Variants in DAP observed in about 807,000 individuals in gnomAD.
DAP encodes the protein death-associated protein 1.
Under a neutral mutation model 13.8 loss-of-function variants are expected in DAP, and 8 were observed. That is an observed-to-expected ratio of 0.58 (90% confidence interval 0.34 to 1.05). The LOEUF (loss-of-function observed/expected upper bound fraction) is 1.05. DAP is among the 50% of genes least tolerant of loss of function. DAP has a pLI of 0.03. For missense variants in DAP, 106 were observed against 133.2 expected (o/e 0.80, Z 1.01); for synonymous variants, 47 against 47.5 (o/e 0.99, Z 0.04).
chr5:10,734,523 TGCCA>T (rs1739555449), intron 2 of DAP, among the ~76,000 whole-genome samples: 1 of 152,198 alleles, frequency 6.6e-6, no homozygotes, highest in Non-Finnish European at 1.5e-5. Context: ...ATTCACTGCC[TGCCA>T]GCCTCAAGCC....
At chr5:10,747,957 G>A (rs376602767) in intron 2 of DAP, 2 of 471,424 alleles carry the variant, frequency 4.2e-6, no homozygotes, top group South Asian at 2.3e-5. Context: ...GGGTGGGCGC[G>A]TGGCAACTGC....
At chr5:10,722,999 C>T (rs539990254) in intron 2 of DAP, among the ~76,000 whole-genome samples, 6 of 152,268 alleles carry the variant, frequency 3.9e-5, no homozygotes, top group South Asian at 4.1e-4. Flanking sequence ...CCACTACAGC[C>T]GCAAAGTCCA....
chr5:10,708,737 C>T (rs747841341), intron 2 of DAP, among the ~76,000 whole-genome samples: 1 of 152,254 alleles, frequency 6.6e-6, no homozygotes, highest in Non-Finnish European at 1.5e-5. Flanking sequence ...GACTCCTACA[C>T]TGCAGGCCCA....
At chr5:10,737,663 G>A (rs1260033158) in intron 2 of DAP, among the ~76,000 whole-genome samples, 1 of 152,194 alleles carries the variant, frequency 6.6e-6, no homozygotes, top group Non-Finnish European at 1.5e-5. Flanking sequence ...TTTAACTGAA[G>A]TTTTAAATTT....
At chr5:10,758,403 TTTGAGGGGTG>T (rs1397100066) in intron 1 of DAP, among the ~76,000 whole-genome samples, 1 of 91,448 alleles carries the variant, frequency 1.1e-5, no homozygotes, top group Non-Finnish European at 2.3e-5. Context: ...GCTGTTGGCA[TTTGAGGGGTG>T]CTGTTGGCAT....
At chr5:10,742,210 A>G (rs1429262239) in intron 2 of DAP, among the ~76,000 whole-genome samples, 1 of 152,156 alleles carries the variant, frequency 6.6e-6, no homozygotes, top group Non-Finnish European at 1.5e-5. Context: ...GTATGGACTC[A>G]TGGATATTTA....
At chr5:10,731,264 G>T (rs1358594177) in intron 2 of DAP, among the ~76,000 whole-genome samples, 2 of 148,322 alleles carry the variant, frequency 1.3e-5, no homozygotes, top group African/African-American at 2.5e-5. Flanking sequence ...GAGCCCTGGT[G>T]GGGGGAATCT....
chr5:10,755,996 A>T (rs913917958), intron 1 of DAP, among the ~76,000 whole-genome samples: 3 of 152,216 alleles, frequency 2.0e-5, no homozygotes, highest in Non-Finnish European at 2.9e-5. Flanking sequence ...CAAAATACAC[A>T]AATTAGCTGG....
chr5:10,689,118 C>T (rs964296307), intron 2 of DAP, among the ~76,000 whole-genome samples: 2 of 152,114 alleles, frequency 1.3e-5, no homozygotes, highest in African/African-American at 4.8e-5. Flanking sequence ...AGTATGTACC[C>T]GGAGAAATGT....
chr5:10,711,419 C>T lies in DAP; in HGVS notation c.153-27848G>A, dbSNP rs567312782. 2.8e-4 allele frequency among the ~76,000 whole-genome samples: 43 copies of T among 152,344 alleles called. No individual in the cohort carries two copies. The Middle Eastern group carries it at 0.014, about 48-fold the overall frequency. ...GGAGACAAAGGTGGTCTCACCGGGG[C>T]GTAACTGCCCTGGTTTGAGGAAGGA... On this transcript the variant is annotated intron_variant, in intron 2 of 3. Coordinates refer to ENST00000230895, the MANE Select transcript of DAP (RefSeq NM_004394.3).
At chr5:10,714,668 C>A (rs1034241856) in intron 2 of DAP, among the ~76,000 whole-genome samples, 5 of 152,134 alleles carry the variant, frequency 3.3e-5, no homozygotes, top group Non-Finnish European at 5.9e-5. Flanking sequence ...GAATCATAAT[C>A]CCTAATGTTG....
At position 10,693,190 on chromosome 5, in the gene DAP, TCTC is replaced by T. The variant is rs574741084; in HGVS notation, c.153-9622_153-9620del. On this transcript the variant is annotated intron_variant, in intron 2 of 3. Transcript: ENST00000230895. Reference sequence around the variant, plus strand: ...TAGTGAAACTGGGAATCTGGTCAAATCTCTGATCCCACTGAAAGTAATCAAAAT... The same window carrying T: ...TAGTGAAACTGGGAATCTGGTCAAATTGATCCCACTGAAAGTAATCAAAAT... 5.1e-4 allele frequency among the ~76,000 whole-genome samples: 77 copies of T among 151,952 alleles called. No homozygotes were observed. The South Asian group carries it at 0.015, about 30-fold the overall frequency.
intron 2 of DAP, 103 bp downstream of exon 2, chr5:10,748,072 T>G (rs559861448): frequency 1.2e-6 from 1 of 833,500 alleles, no homozygotes; most frequent in Admixed American, 2.0e-5. Flanking sequence ...GGGCCCCACA[T>G]AGCCCAGGAG....
intron 3 of DAP, among the ~76,000 whole-genome samples, chr5:10,682,295 C>G (rs1046460828): frequency 6.6e-6 from 1 of 151,162 alleles, no homozygotes; most frequent in African/African-American, 2.4e-5. Flanking sequence ...TGTGAGGAAG[C>G]CCCAGGCCAG....
intron 2 of DAP, among the ~76,000 whole-genome samples, chr5:10,709,816 AC>A (rs1178756340): frequency 1.3e-5 from 2 of 152,096 alleles, no homozygotes; most frequent in Non-Finnish European, 2.9e-5. Flanking sequence ...CCCAGGGAAT[AC>A]CCCCAAAGGG....
intron 2 of DAP, among the ~76,000 whole-genome samples, chr5:10,723,557 G>A (rs919740573): frequency 2.0e-5 from 3 of 152,218 alleles, no homozygotes; most frequent in African/African-American, 7.2e-5. Flanking sequence ...AGAAGGGATG[G>A]AGGCACATAA....
chr5:10,716,301 A>G (rs368997488), intron 2 of DAP, among the ~76,000 whole-genome samples: 3 of 152,210 alleles, frequency 2.0e-5, no homozygotes, highest in African/African-American at 7.2e-5. Context: ...TCTATCGTGC[A>G]GAGTAAACTC....
intron 1 of DAP, among the ~76,000 whole-genome samples, chr5:10,752,147 C>T (rs1472900999): frequency 2.0e-5 from 3 of 152,346 alleles, no homozygotes; most frequent in African/African-American, 4.8e-5. Context: ...GCAGCCTGTC[C>T]GCTCCTCTGC....
chr5:10,698,434 A>AAACACCGCCGAG (rs1258073144), intron 2 of DAP, among the ~76,000 whole-genome samples: 1 of 152,166 alleles, frequency 6.6e-6, no homozygotes, highest in Non-Finnish European at 1.5e-5. Context: ...CGTTTATAGC[A>AAACACCGCCGAG]AACACCGCCG....
Sources: allele counts gnomAD v4.1 joint callset (sites outside exome capture counted in the v4.1 genomes callset), GRCh38; gene constraint gnomAD v4.1.1; transcripts MANE v1.5; gene names NCBI Gene and HGNC (gene_info 2026-07-23, HGNC 2026-07-21).